The following ATP8A1 variants were observed in gnomAD, a reference collection of about 807,000 sequenced individuals.
ATP8A1 encodes the protein phospholipid-transporting ATPase IA.
In ATP8A1, 90 loss-of-function variants were observed where a neutral mutation model predicts 177.7. The observed-to-expected ratio is 0.51, with a 90% confidence interval of 0.43 to 0.60. The LOEUF (loss-of-function observed/expected upper bound fraction) is 0.60. Ranked by LOEUF, ATP8A1 falls within the 20% of genes least tolerant of loss-of-function variation. The pLI is 0.00. For missense variants in ATP8A1, 1,072 were observed against 1,392.8 expected (o/e 0.77, Z 3.67); for synonymous variants, 493 against 485.9 (o/e 1.01, Z -0.19).
intron 25 of ATP8A1, among the ~76,000 whole-genome samples, chr4:42,471,075 A>C (rs1034871093): frequency 1.1e-4 from 16 of 152,340 alleles, no homozygotes; most frequent in African/African-American, 1.4e-4. Context: ...GCAAAAAAAA[A>C]CCTGATGTAC....
chr4:42,503,762 T>TA (rs144504994), intron 23 of ATP8A1, among the ~76,000 whole-genome samples: 1,537 of 152,284 alleles, frequency 0.01, 24 homozygotes, highest in African/African-American at 0.036. Flanking sequence ...TGGTAAGGAT[T>TA]CTCGATGTCC....
intron 27 of ATP8A1, among the ~76,000 whole-genome samples, chr4:42,456,095 TG>T (rs1412190244): frequency 6.6e-6 from 1 of 152,216 alleles, no homozygotes; most frequent in Non-Finnish European, 1.5e-5. Flanking sequence ...TTTACCTTAC[TG>T]GAAACCTGCA....
At chr4:42,522,908 T>C (rs1009853438) in intron 21 of ATP8A1, among the ~76,000 whole-genome samples, 1 of 152,138 alleles carries the variant, frequency 6.6e-6, no homozygotes, top group African/African-American at 2.4e-5. Flanking sequence ...TTAAAGCACT[T>C]GGAAAGCAGG....
chr4:42,588,262 G>A lies in ATP8A1; in HGVS notation c.592C>T (p.Gln198Ter). The A allele has an allele frequency of 6.2e-7, 1 of 1,609,266 alleles. No individual in the cohort carries two copies. Among genetic ancestry groups the A allele is most frequent in the Non-Finnish European group, 8.5e-7 (1 of 1,175,748 alleles). ...CATATACTTGTATCAGATCTTACCT[G>A]TCTAATTTTCAAGTTTGTTTCACCA... ...LDGETNLKIR[Q>*]GLPATSDIKD... is the part of the protein sequence containing the mutation. The change falls in exon 8 of 37, where the codon CAG becomes TAG. Residue 198 changes from glutamine (Q) to a stop codon, truncating the protein, a stop_gained and splice_region_variant. Coordinates refer to ENST00000381668, the MANE Select transcript of ATP8A1 (RefSeq NM_006095.2). LOFTEE classifies it high-confidence loss of function.
chr4:42,486,084 G>A (rs935248247), intron 24 of ATP8A1, among the ~76,000 whole-genome samples: 1 of 152,166 alleles, frequency 6.6e-6, no homozygotes, highest in South Asian at 2.1e-4. Context: ...CTCGCCAGCA[G>A]TTTTGCCACG....
At chr4:42,543,646 C>A (rs1444759106) in intron 20 of ATP8A1, among the ~76,000 whole-genome samples, 1 of 152,102 alleles carries the variant, frequency 6.6e-6, no homozygotes, top group East Asian at 1.9e-4. Flanking sequence ...TGTCTTCTAA[C>A]AATTTATATA....
chr4:42,429,563 C>T (rs1715032589), intron 33 of ATP8A1, among the ~76,000 whole-genome samples: 1 of 152,176 alleles, frequency 6.6e-6, no homozygotes, highest in African/African-American at 2.4e-5. Flanking sequence ...CAAATACAAA[C>T]TTTATCCTTC....
At chr4:42,566,128 G>A (rs1470202634) in intron 15 of ATP8A1, among the ~76,000 whole-genome samples, 2 of 152,228 alleles carry the variant, frequency 1.3e-5, no homozygotes, top group Non-Finnish European at 2.9e-5. Flanking sequence ...AACAGAATAT[G>A]TGGAAAGACT....
intron 4 of ATP8A1, 31 bp from the exon 5 acceptor site, chr4:42,616,109 GA>G: frequency 6.3e-7 from 1 of 1,588,256 alleles, no homozygotes; most frequent in South Asian, 1.1e-5. Flanking sequence ...GAACAACTGT[GA>G]AAATGTGAAT....
chr4:42,575,566 C>A, intron 13 of ATP8A1, 56 bp downstream of exon 13: 1 of 1,462,914 alleles, frequency 6.8e-7, no homozygotes, highest in Non-Finnish European at 9.6e-7. Flanking sequence ...ATGGCAGATA[C>A]CACACCAAAT....
chr4:42,478,754 C>CA (rs1338124038), intron 25 of ATP8A1, among the ~76,000 whole-genome samples: 1 of 152,164 alleles, frequency 6.6e-6, no homozygotes, highest in Non-Finnish European at 1.5e-5. Flanking sequence ...GCCCTGGGTT[C>CA]TTCCTTTCTG....
intron 22 of ATP8A1, among the ~76,000 whole-genome samples, chr4:42,507,446 G>A (rs959987256): frequency 5.9e-5 from 9 of 152,088 alleles, no homozygotes; most frequent in African/African-American, 9.7e-5. Context: ...GTTAAAAACA[G>A]CCTGGGCACG....
Position 42,408,798 on chromosome 4 carries a change from A to G in ATP8A1, c.*4118T>C, listed in dbSNP as rs1269847006. On this transcript the variant is annotated 3_prime_UTR_variant, in exon 37 of 37. Coordinates refer to ENST00000381668, the MANE Select transcript of ATP8A1 (RefSeq NM_006095.2). ...TTAAACAACAGATAGTATTTACTGC[A>G]TTTATGGCTTCCATTTAGAACCATG... 2 of 152,234 alleles carry G rather than the reference A, an allele frequency of 1.3e-5. No homozygotes were observed. Among genetic ancestry groups the G allele is most frequent in the East Asian group, 3.8e-4 (2 of 5,208 alleles). The allele number at this position is 152,234 out of a possible 1,614,324, so 9.4% of individuals were successfully genotyped here.
chr4:42,421,233 T>C (rs1713889213), intron 35 of ATP8A1, among the ~76,000 whole-genome samples: 1 of 152,142 alleles, frequency 6.6e-6, no homozygotes, highest in Non-Finnish European at 1.5e-5. Context: ...ACCCTGAAAG[T>C]AGGTATTATC....
intron 33 of ATP8A1, among the ~76,000 whole-genome samples, chr4:42,430,380 C>T (rs1171221155): frequency 6.6e-6 from 1 of 152,160 alleles, no homozygotes; most frequent in Non-Finnish European, 1.5e-5. Flanking sequence ...CTTGGCTCAA[C>T]CCTCCAGAGA....
intron 24 of ATP8A1, among the ~76,000 whole-genome samples, chr4:42,497,368 C>CAG (rs1410458399): frequency 1.3e-5 from 2 of 152,148 alleles, no homozygotes; most frequent in Non-Finnish European, 2.9e-5. Context: ...GTATTGGTGG[C>CAG]AGAGATGCAA....
intron 7 of ATP8A1, among the ~76,000 whole-genome samples, chr4:42,590,460 A>G (rs1266185589): frequency 6.6e-6 from 1 of 152,220 alleles, no homozygotes; most frequent in Non-Finnish European, 1.5e-5. Context: ...ATTATTCAAA[A>G]TAATATCCCG....
intron 9 of ATP8A1, among the ~76,000 whole-genome samples, chr4:42,583,356 T>G (rs1389970847): frequency 6.6e-6 from 1 of 152,180 alleles, no homozygotes; most frequent in African/African-American, 2.4e-5. Context: ...GGTATATATC[T>G]CAAGATTAAG....
chr4:42,555,842 C>CTAACTAAA (rs1553903637), intron 16 of ATP8A1, 126 bp downstream of exon 16: 19 of 576,364 alleles, frequency 3.3e-5, no homozygotes, highest in South Asian at 8.0e-5. Flanking sequence ...AACTAACTAA[C>CTAACTAAA]TAAATAAATA....
Sources: allele counts gnomAD v4.1 joint callset (sites outside exome capture counted in the v4.1 genomes callset), GRCh38; gene constraint gnomAD v4.1.1; transcripts MANE v1.5; gene names NCBI Gene and HGNC (gene_info 2026-07-23, HGNC 2026-07-21).